KCNIP1: variants seen among roughly 807,000 people sequenced by gnomAD.
KCNIP1 encodes the protein potassium voltage-gated channel interacting protein 1.
A neutral mutation model predicts 33.0 loss-of-function variants in KCNIP1; 18 were observed. That is an observed-to-expected ratio of 0.55 (90% CI 0.38 to 0.81). The LOEUF (loss-of-function observed/expected upper bound fraction) is 0.81, where lower values mean the gene tolerates loss of function less well. Among genes scored for constraint, KCNIP1 ranks in the 30% least tolerant of loss-of-function variants. KCNIP1 has a pLI of 0.00. For synonymous variants in KCNIP1, 93 were observed against 98.3 expected, an observed-to-expected ratio of 0.95 and a Z score of 0.32; for missense variants, 238 against 271.6, an observed-to-expected ratio of 0.88 and a Z score of 0.87.
chr5:170,619,929 A>AG (rs1759538448), intron 1 of KCNIP1, among the ~76,000 whole-genome samples: 1 of 152,160 alleles, frequency 6.6e-6, no homozygotes. Flanking sequence ...AGGAGGGTTG[A>AG]GGGGTCTGAA....
chr5:170,735,833 C>T lies in KCNIP1; in HGVS notation c.*27C>T, dbSNP rs1764370883. The T allele has an allele frequency of 5.0e-6, 8 of 1,605,660 alleles. No individual in the cohort carries two copies. Among genetic ancestry groups the T allele is most frequent in the African/African-American group, 1.3e-5 (1 of 74,868 alleles). On this transcript the variant is annotated 3_prime_UTR_variant, in exon 8 of 8. Coordinates refer to ENST00000328939, the MANE Select transcript of KCNIP1 (RefSeq NM_014592.4). ...TGGTGACACTCAGCCATTCAGCTCT[C>T]AGAGACATTGTACTAAACAACCACC... is the stretch of plus-strand genomic sequence containing the variant.
At chr5:170,463,303 AG>A (rs1756545057) in intron 1 of KCNIP1, among the ~76,000 whole-genome samples, 1 of 152,332 alleles carries the variant, frequency 6.6e-6, no homozygotes, top group East Asian at 1.9e-4. Context: ...GTAGAAGAAG[AG>A]GGGACATTTT....
chr5:170,681,870 A>G (rs1188722560), intron 1 of KCNIP1, among the ~76,000 whole-genome samples: 1 of 152,254 alleles, frequency 6.6e-6, no homozygotes, highest in East Asian at 1.9e-4. Context: ...TATTGTTCCA[A>G]ATAGAACACA....
intron 6 of KCNIP1, among the ~76,000 whole-genome samples, chr5:170,733,377 T>A (rs555696945): frequency 6.6e-6 from 1 of 152,198 alleles, no homozygotes; most frequent in African/African-American, 2.4e-5. Flanking sequence ...TAGGAAAAAA[T>A]TAATCTAGCG....
intron 1 of KCNIP1, among the ~76,000 whole-genome samples, chr5:170,486,897 A>T (rs1184992753): frequency 2.6e-5 from 4 of 152,188 alleles, no homozygotes; most frequent in Non-Finnish European, 5.9e-5. Context: ...ACTATAATTT[A>T]TTTAATCCCT....
At chr5:170,456,698 TCTTTTTC>T in intron 1 of KCNIP1, among the ~76,000 whole-genome samples, 1 of 79,704 alleles carries the variant, frequency 1.3e-5, no homozygotes, top group African/African-American at 4.9e-5. Flanking sequence ...TCTCTCTCTC[TCTTTTTC>T]TTTCTTTCTT....
chr5:170,369,731 A>C (rs890935829), intron 1 of KCNIP1, among the ~76,000 whole-genome samples: 3 of 152,364 alleles, frequency 2.0e-5, no homozygotes, highest in African/African-American at 7.2e-5. Flanking sequence ...GAGATAAGGC[A>C]TCACCTTGAT....
At chr5:170,598,578 G>A (rs1758549516) in intron 1 of KCNIP1, among the ~76,000 whole-genome samples, 1 of 152,198 alleles carries the variant, frequency 6.6e-6, no homozygotes, top group South Asian at 2.1e-4. Context: ...ACCAGGACAT[G>A]GGTGGACTCG....
intron 1 of KCNIP1, among the ~76,000 whole-genome samples, chr5:170,695,880 G>A (rs1581511904): frequency 1.3e-5 from 2 of 152,232 alleles, no homozygotes; most frequent in Middle Eastern, 3.4e-3. Context: ...TTAGCCAGGT[G>A]TGGTGGCATG....
intron 1 of KCNIP1, among the ~76,000 whole-genome samples, chr5:170,715,036 C>T (rs1371992826): frequency 2.0e-5 from 3 of 152,186 alleles, no homozygotes; most frequent in Admixed American, 6.5e-5. Flanking sequence ...AACTTCCATT[C>T]ATGGTAAGTG....
At chr5:170,519,002 AC>A (rs1001689272) in intron 1 of KCNIP1, among the ~76,000 whole-genome samples, 1 of 151,932 alleles carries the variant, frequency 6.6e-6, no homozygotes, top group Non-Finnish European at 1.5e-5. Flanking sequence ...TCCACAGCCC[AC>A]CCACCCTCTG....
intron 1 of KCNIP1, among the ~76,000 whole-genome samples, chr5:170,509,287 C>T (rs887737180): frequency 1.3e-5 from 2 of 152,242 alleles, no homozygotes; most frequent in Non-Finnish European, 2.9e-5. Context: ...GAGGAACCCA[C>T]ACCCAGCACC....
chr5:170,661,503 G>A (rs893145807), intron 1 of KCNIP1, among the ~76,000 whole-genome samples: 4 of 152,090 alleles, frequency 2.6e-5, no homozygotes, highest in Middle Eastern at 3.2e-3. Flanking sequence ...TGGTTTGTTT[G>A]GGTGAACAGG....
In KCNIP1 at chr5:170,665,155, G is replaced by A. The variant is rs541402206; in HGVS notation, c.62-53603G>A. The stretch of plus-strand genomic sequence containing the variant: ...AATGGGGCTTTCATTCTCATTAATG[G>A]GGCAATTGATTTAAAGAACAGACCC... On this transcript the variant is annotated intron_variant, in intron 1 of 7. Transcript: ENST00000328939. 2.0e-5 allele frequency among the ~76,000 whole-genome samples: 3 copies of A among 152,200 alleles called. No homozygotes were observed. In the South Asian group the frequency reaches 6.2e-4, roughly 32 times the overall value.
chr5:170,624,210 T>C (rs1337795882), intron 1 of KCNIP1, among the ~76,000 whole-genome samples: 1 of 152,244 alleles, frequency 6.6e-6, no homozygotes, highest in Non-Finnish European at 1.5e-5. Flanking sequence ...TGTTGTTCTT[T>C]CACTAATCCA....
intron 1 of KCNIP1, among the ~76,000 whole-genome samples, chr5:170,531,305 A>G (rs1404625144): frequency 6.6e-6 from 1 of 152,202 alleles, no homozygotes; most frequent in Non-Finnish European, 1.5e-5. Context: ...TGTTGTTAGC[A>G]TGCAAATTCT....
intron 1 of KCNIP1, among the ~76,000 whole-genome samples, chr5:170,574,022 T>C (rs765419508): frequency 3.2e-4 from 48 of 152,242 alleles, no homozygotes; most frequent in Non-Finnish European, 7.3e-5. Flanking sequence ...GGGACCCAAG[T>C]GGGACCCCCG....
At chr5:170,359,243 C>T (rs545833173) in intron 1 of KCNIP1, among the ~76,000 whole-genome samples, 1 of 152,240 alleles carries the variant, frequency 6.6e-6, no homozygotes, top group South Asian at 2.1e-4. Context: ...TCTTACAGGC[C>T]AAGTGTGAGA....
At chr5:170,487,767 C>T (rs979631191) in intron 1 of KCNIP1, among the ~76,000 whole-genome samples, 1 of 152,100 alleles carries the variant, frequency 6.6e-6, no homozygotes, top group Non-Finnish European at 1.5e-5. Context: ...ATCCACCTAC[C>T]CTGGCCTCCC....
Sources: allele counts gnomAD v4.1 joint callset (sites outside exome capture counted in the v4.1 genomes callset), GRCh38; gene constraint gnomAD v4.1.1; transcripts MANE v1.5; gene names NCBI Gene and HGNC (gene_info 2026-07-23, HGNC 2026-07-21).